The following RNF180 variants were observed in gnomAD, a reference collection of about 807,000 sequenced individuals.
RNF180 encodes ring finger protein 180.
RNF180 carries 38 observed loss-of-function variants against 59.2 expected under a neutral mutation model. The observed-to-expected ratio is 0.64, with a 90% CI of 0.50 to 0.84. RNF180 has a LOEUF of 0.84. RNF180 is among the 40% of genes least tolerant of loss of function. RNF180 has a pLI of 0.00. For missense variants in RNF180, 705 were observed against 700.9 expected, an observed-to-expected ratio of 1.01 and a Z score of -0.07; for synonymous variants, 262 against 240.3, an observed-to-expected ratio of 1.09 and a Z score of -0.84.
At chr5:64,173,352 C>G (rs1208934414) in intron 1 of RNF180, among the ~76,000 whole-genome samples, 1 of 152,000 alleles carries the variant, frequency 6.6e-6, no homozygotes, top group Non-Finnish European at 1.5e-5. Flanking sequence ...ATAATTGACA[C>G]ATTTTTGACA....
At chr5:64,254,097 A>G (rs1743772292) in intron 5 of RNF180, among the ~76,000 whole-genome samples, 1 of 152,206 alleles carries the variant, frequency 6.6e-6, no homozygotes, top group South Asian at 2.1e-4. Context: ...ACTCTGATAA[A>G]CAGAAATTAT....
At chr5:64,323,538 A>C (rs1561261190) in intron 5 of RNF180, among the ~76,000 whole-genome samples, 1 of 151,988 alleles carries the variant, frequency 6.6e-6, no homozygotes, top group Non-Finnish European at 1.5e-5. Context: ...ACTCGGTGTC[A>C]AAATAATAAT....
chr5:64,236,003 C>T (rs543472184), intron 5 of RNF180, among the ~76,000 whole-genome samples: 13 of 152,124 alleles, frequency 8.5e-5, no homozygotes, highest in East Asian at 5.8e-4. Context: ...AGAATTGGTA[C>T]GAGCAGAGTA....
intron 5 of RNF180, among the ~76,000 whole-genome samples, chr5:64,228,197 A>G (rs1303886426): frequency 1.3e-5 from 2 of 152,154 alleles, no homozygotes; most frequent in Non-Finnish European, 2.9e-5. Flanking sequence ...AAAACTGAAA[A>G]TATATGTAAG....
At chr5:64,244,062 G>T (rs150099510) in intron 5 of RNF180, among the ~76,000 whole-genome samples, 1 of 152,076 alleles carries the variant, frequency 6.6e-6, no homozygotes, top group Non-Finnish European at 1.5e-5. Flanking sequence ...CAAAAAGGAC[G>T]TTCACGTAGA....
At chr5:64,232,176 T>C (rs1742139179) in intron 5 of RNF180, among the ~76,000 whole-genome samples, 4 of 152,158 alleles carry the variant, frequency 2.6e-5, no homozygotes, top group Non-Finnish European at 4.4e-5. Context: ...ATTTCTAGCC[T>C]TTTGAAAGAG....
intron 5 of RNF180, among the ~76,000 whole-genome samples, chr5:64,252,282 G>A (rs1293397931): frequency 2.6e-5 from 4 of 152,098 alleles, no homozygotes; most frequent in African/African-American, 7.2e-5. Context: ...ACAGGGAAAG[G>A]CCAGTTAGGG....
At chr5:64,275,767 A>G (rs990985082) in intron 5 of RNF180, among the ~76,000 whole-genome samples, 1 of 152,072 alleles carries the variant, frequency 6.6e-6, no homozygotes, top group Admixed American at 6.6e-5. Context: ...TTTCTGAGCT[A>G]TAGCCCTCCA....
rs112391982 is a variant in RNF180 at position 64,307,645 on chromosome 5, T to C, written c.1228-17541T>C. On this transcript the variant is annotated intron_variant, in intron 5 of 7. Coordinates refer to ENST00000389100, the MANE Select transcript of RNF180 (RefSeq NM_001113561.2). ...AGTCAAAAATGTATTTAATACACCT[T>C]ACCTATCAAACAACATAGCTTAGCC... Among the ~76,000 whole-genome samples the C allele has an allele frequency of 2.6e-5, 4 of 151,864 alleles. 1 individual carries two copies. The highest frequency in any genetic ancestry group is 9.6e-5 in the African/African-American group (4 of 41,504).
chr5:64,203,660 A>G (rs559110129), intron 2 of RNF180, among the ~76,000 whole-genome samples: 27 of 152,264 alleles, frequency 1.8e-4, no homozygotes, highest in African/African-American at 6.5e-4. Flanking sequence ...TACTAAATAT[A>G]TATAAAATAC....
intron 5 of RNF180, among the ~76,000 whole-genome samples, chr5:64,323,415 C>G (rs974176243): frequency 2.6e-5 from 4 of 152,048 alleles, no homozygotes; most frequent in African/African-American, 9.7e-5. Flanking sequence ...ATGCCGCATG[C>G]CTGTAATCCC....
At chr5:64,212,019 A>G in intron 2 of RNF180, 46 bp from the exon 3 acceptor site, 1 of 1,104,582 alleles carries the variant, frequency 9.1e-7, no homozygotes, top group Non-Finnish European at 1.3e-6. Flanking sequence ...CTGTGAAATA[A>G]ATTCTGAACT....
In RNF180 at chr5:64,371,906, A is replaced by G. The variant is rs1580325767; in HGVS notation, c.*2092A>G. 1 of 151,614 alleles carries G rather than the reference A, an allele frequency of 6.6e-6. No homozygotes were observed. Among genetic ancestry groups the G allele is most frequent in the East Asian group, 1.9e-4 (1 of 5,156 alleles). The allele number at this position is 151,614 out of a possible 1,614,324, so 9.4% of individuals were successfully genotyped here. ...AAACCAGTTTCTTCTGGTATGTAGC[A>G]CACAGTAGCCATTCAAAATAAAATA... is the stretch of plus-strand genomic sequence containing the variant. On this transcript the variant is annotated 3_prime_UTR_variant, in exon 8 of 8. Transcript: ENST00000389100.
At chr5:64,213,451 T>A in intron 3 of RNF180, 107 bp from the exon 4 acceptor site, 1 of 939,756 alleles carries the variant, frequency 1.1e-6, no homozygotes, top group Non-Finnish European at 1.6e-6. Context: ...GCTAGCCTTT[T>A]CTGTGGCATA....
chr5:64,269,625 T>C (rs923789127), intron 5 of RNF180, among the ~76,000 whole-genome samples: 1 of 152,134 alleles, frequency 6.6e-6, no homozygotes, highest in Non-Finnish European at 1.5e-5. Context: ...ATTACTCTTA[T>C]AATAAGCCAC....
intron 1 of RNF180, among the ~76,000 whole-genome samples, chr5:64,175,430 G>C (rs1008149204): frequency 1.3e-5 from 2 of 152,036 alleles, no homozygotes; most frequent in African/African-American, 4.8e-5. Context: ...TCAGTTGGTT[G>C]TAAGTGTGTG....
chr5:64,265,544 C>T (rs1744614102), intron 5 of RNF180, among the ~76,000 whole-genome samples: 1 of 151,950 alleles, frequency 6.6e-6, no homozygotes, highest in Non-Finnish European at 1.5e-5. Flanking sequence ...TGTAGATGTG[C>T]GGTATTACTT....
At chr5:64,353,091 A>G (rs1745880838) in intron 7 of RNF180, among the ~76,000 whole-genome samples, 1 of 151,840 alleles carries the variant, frequency 6.6e-6, no homozygotes, top group South Asian at 2.1e-4. Context: ...AAAAGTTAAA[A>G]TCTCTAGGCT....
At chr5:64,183,318 C>T (rs992722637) in intron 1 of RNF180, among the ~76,000 whole-genome samples, 2 of 151,592 alleles carry the variant, frequency 1.3e-5, no homozygotes, top group Non-Finnish European at 2.9e-5. Flanking sequence ...AAAATGATAG[C>T]TAGTTTAAAA....
Sources: gnomAD v4.1 joint callset for allele counts (sites outside exome capture counted in the v4.1 genomes callset) on GRCh38, gnomAD v4.1.1 for gene constraint, MANE v1.5 for transcripts, NCBI Gene and HGNC (gene_info 2026-07-23, HGNC 2026-07-21) for gene names.